Variants in CD72 observed in about 807,000 individuals in gnomAD.
CD72 encodes B-cell differentiation antigen CD72.
Under a neutral mutation model 50.7 loss-of-function variants are expected in CD72, and 28 were observed. The observed-to-expected ratio is 0.55, with a 90% CI of 0.41 to 0.76. CD72 has a LOEUF of 0.76. Ranked by LOEUF, CD72 falls within the 30% of genes least tolerant of loss-of-function variation. The pLI is 0.00. For synonymous variants in CD72, 176 were observed against 171.2 expected (o/e 1.03, Z -0.22); for missense variants, 403 against 420.6 (o/e 0.96, Z 0.37).
intron 5 of CD72, among the ~76,000 whole-genome samples, chr9:35,615,637 C>G (rs1823052395): frequency 6.6e-6 from 1 of 151,672 alleles, no homozygotes; most frequent in African/African-American, 2.4e-5. Context: ...AATTTGGGGG[C>G]GTTCCCAGAT....
intron 5 of CD72, among the ~76,000 whole-genome samples, chr9:35,613,378 A>G (rs1363518110): frequency 6.6e-6 from 1 of 151,946 alleles, no homozygotes; most frequent in African/African-American, 2.4e-5. Context: ...GTCCCTCTCC[A>G]ATTTCCTACA....
chr9:35,636,127 T>C (rs937855772), intron 1 of CD72, among the ~76,000 whole-genome samples: 2 of 152,156 alleles, frequency 1.3e-5, no homozygotes, highest in African/African-American at 2.4e-5. Flanking sequence ...AAATTCCTTA[T>C]TGTGAGTAGC....
At chr9:35,617,667 T>G (rs1338297239) in intron 2 of CD72, among the ~76,000 whole-genome samples, 2 of 152,112 alleles carry the variant, frequency 1.3e-5, no homozygotes, top group Non-Finnish European at 2.9e-5. Flanking sequence ...GTCTCCACCT[T>G]GCGGGAGGAA....
At chr9:35,613,690 A>T (rs760791293) in intron 5 of CD72, among the ~76,000 whole-genome samples, 1 of 152,036 alleles carries the variant, frequency 6.6e-6, no homozygotes, top group African/African-American at 2.4e-5. Context: ...CTACTGTCCT[A>T]TGGCAACTTA....
chr9:35,624,666 C>T (rs1823178898), intron 1 of CD72, among the ~76,000 whole-genome samples: 1 of 152,192 alleles, frequency 6.6e-6, no homozygotes, highest in Non-Finnish European at 1.5e-5. Flanking sequence ...TTCACAGATA[C>T]TGAGTTTTTT....
intron 1 of CD72, among the ~76,000 whole-genome samples, chr9:35,627,375 C>G (rs531399183): frequency 3.3e-5 from 5 of 152,134 alleles, no homozygotes; most frequent in Non-Finnish European, 5.9e-5. Context: ...AGCAATTCAC[C>G]CACCTCGGCC....
intron 1 of CD72, among the ~76,000 whole-genome samples, chr9:35,631,670 G>C (rs145672704): frequency 0.027 from 4,053 of 152,266 alleles, 72 homozygotes; most frequent in Non-Finnish European, 0.044. Context: ...GAGGCGGGCG[G>C]ATCACGACGT....
intron 5 of CD72, among the ~76,000 whole-genome samples, chr9:35,613,979 T>C (rs1823030671): frequency 6.7e-6 from 1 of 149,864 alleles, no homozygotes; most frequent in African/African-American, 2.5e-5. Flanking sequence ...CACTCCAGCC[T>C]GGGAGTGCAC....
chr9:35,612,625 A>G (rs1273928000), intron 6 of CD72, among the ~76,000 whole-genome samples: 2 of 152,006 alleles, frequency 1.3e-5, no homozygotes, highest in African/African-American at 4.8e-5. Context: ...TTCCATTCTC[A>G]TGCCAACTCT....
intron 7 of CD72, among the ~76,000 whole-genome samples, chr9:35,611,086 C>T (rs894649568): frequency 6.6e-6 from 1 of 152,166 alleles, no homozygotes; most frequent in East Asian, 1.9e-4. Flanking sequence ...CCCGTCTCTA[C>T]TAAAAATACA....
chr9:35,640,627 G>A (rs1211763942), intron 1 of CD72, among the ~76,000 whole-genome samples: 3 of 152,260 alleles, frequency 2.0e-5, no homozygotes, highest in East Asian at 1.9e-4. Context: ...ACACCCTGCC[G>A]GATCTGGAGG....
Position 35,612,949 on chromosome 9 carries a change from A to C in CD72, c.733T>G (p.Phe245Val). ...SGWIMHQKSC[F>V]YISLTSKNWQ... ...TTTTTTGAAGTAAGTGAGATGTAAA[A>C]GCAGCTTTTCTGATGCATTATCCAT... The change falls in exon 6 of 9, where the codon TTT (phenylalanine) becomes GTT (valine). Residue 245 changes from phenylalanine (F) to valine (V), a missense_variant. Transcript: ENST00000259633. 6.2e-7 allele frequency: 1 copy of C among 1,614,026 alleles called. No individual in the cohort carries two copies. The highest frequency in any genetic ancestry group is 8.5e-7 in the Non-Finnish European group (1 of 1,179,916).
chr9:35,610,283 T>G lies in CD72; in HGVS notation c.*40A>C. 1 of 232,498 alleles carries G rather than the reference T, an allele frequency of 4.3e-6. No individual in the cohort carries two copies. Among genetic ancestry groups the G allele is most frequent in the Non-Finnish European group, 8.4e-6 (1 of 119,726 alleles). The allele number at this position is 232,498 out of a possible 1,614,324, so 14.4% of individuals were successfully genotyped here. A position where few individuals can be genotyped will look rare whatever the true frequency, so the allele number is the denominator to read the frequency against. ...CAGGTTAGGAAGGAGGGGCACAGGT[T>G]CTTGTTGGCATGAGTGTCTGGAAAA... On this transcript the variant is annotated 3_prime_UTR_variant, in exon 9 of 9. Coordinates refer to ENST00000259633, the MANE Select transcript of CD72 (RefSeq NM_001782.3).
At chr9:35,617,298 T>G (rs1162289765) in intron 2 of CD72, 51 bp from the exon 3 acceptor site, 2 of 1,501,586 alleles carry the variant, frequency 1.3e-6, no homozygotes, top group Non-Finnish European at 1.8e-6. Context: ...GTGTTGCCCC[T>G]TCTCCTCCTG....
At chr9:35,643,757 C>G (rs1823360488) in intron 1 of CD72, among the ~76,000 whole-genome samples, 1 of 152,270 alleles carries the variant, frequency 6.6e-6, no homozygotes, top group South Asian at 2.1e-4. Context: ...GCAGGCAGAT[C>G]ACCTGAGGTC....
At chr9:35,622,792 A>AAT (rs1554649025), upstream of CD72, among the ~76,000 whole-genome samples, 12 of 150,838 alleles carry the variant, frequency 8.0e-5, no homozygotes, top group African/African-American at 2.4e-4. Flanking sequence ...GTCTCAAAAA[A>AAT]AATAATAATA....
chr9:35,641,528 G>A (rs1823339653), intron 1 of CD72, among the ~76,000 whole-genome samples: 1 of 152,188 alleles, frequency 6.6e-6, no homozygotes, highest in Non-Finnish European at 1.5e-5. Flanking sequence ...AGGGTTTAAA[G>A]TAATTTCCAT....
intron 1 of CD72, among the ~76,000 whole-genome samples, chr9:35,633,094 C>T (rs1374543900): frequency 6.7e-6 from 1 of 150,178 alleles, no homozygotes; most frequent in African/African-American, 2.4e-5. Context: ...CCATGCCTGG[C>T]TAATTTTTGT....
chr9:35,626,046 A>G lies in CD72; in HGVS notation n.409-7925T>C, dbSNP rs376489987. On this transcript the variant is annotated intron_variant and non_coding_transcript_variant, in intron 1 of 3. Transcript: ENST00000465754. ...AGAAGTAATTTTGACCTTATTTAAG[A>G]AACACATTTTGTAAGGCTACAGCTG... is the stretch of plus-strand genomic sequence containing the variant. 3.2e-4 allele frequency among the ~76,000 whole-genome samples: 48 copies of G among 151,950 alleles called. No individual in the cohort carries two copies. The South Asian group carries it at 9.8e-3, about 31-fold the overall frequency.
Sources: allele counts gnomAD v4.1 joint callset (sites outside exome capture counted in the v4.1 genomes callset), GRCh38; gene constraint gnomAD v4.1.1; transcripts MANE v1.5; gene names NCBI Gene and HGNC (gene_info 2026-07-23, HGNC 2026-07-21).